IFNL2: variants seen among roughly 807,000 people sequenced by gnomAD.
IFNL2 encodes interferon lambda 2.
A neutral mutation model predicts 18.7 loss-of-function variants in IFNL2; 17 were observed. The observed-to-expected ratio is 0.91, with a 90% CI of 0.62 to 1.36. IFNL2 has a LOEUF of 1.36. Ranked by LOEUF, IFNL2 falls within the 40% of genes most tolerant of loss-of-function variation. The probability of loss-of-function intolerance (pLI) is 0.00; values close to 1 mark genes in which losing one functional copy is unlikely to be tolerated. For synonymous variants in IFNL2, 96 were observed against 113.4 expected (o/e 0.85, Z 0.98); for missense variants, 225 against 257.3 (o/e 0.87, Z 0.86).
At position 39,269,744 on chromosome 19, in the gene IFNL2, C is replaced by A. The variant is rs2075029007; in HGVS notation, c.427C>A (p.Pro143Thr). 6.2e-7 allele frequency: 1 copy of A among 1,608,538 alleles called. No individual in the cohort carries two copies. The highest frequency in any genetic ancestry group is 1.1e-5 in the South Asian group (1 of 89,760). Residue 143 changes from proline (P) to threonine (T), a missense_variant, in exon 5 of 6, where the codon CCT becomes ACT. Pro to Thr is a conservative substitution (Grantham distance 38). Coordinates refer to ENST00000331982, the MANE Select transcript of IFNL2 (RefSeq NM_172138.2). ...CGCCCTCCTCTGCCCACAGATCCAG[C>A]CTCAGCCCACGGCAGGGCCCAGGAC... ...ILSQFRACIQ[P>T]QPTAGPRTRG... is the part of the protein sequence containing the mutation.
Position 39,269,985 on chromosome 19 carries a change from G to T in IFNL2, c.575G>T (p.Cys192Phe), listed in dbSNP as rs970679226. ...LFRLLTRDLNCVASGDLCV is the reference protein window; with the variant it reads ...LFRLLTRDLNFVASGDLCV Reference sequence around the variant, plus strand: ...CGCCTCCTCACGCGAGACCTGAATTGTGTTGCCAGTGGGGACCTGTGTGTC... The same window carrying T: ...CGCCTCCTCACGCGAGACCTGAATTTTGTTGCCAGTGGGGACCTGTGTGTC... The change falls in exon 6 of 6, where the codon TGT (cysteine) becomes TTT (phenylalanine). Residue 192 changes from cysteine to phenylalanine, a missense_variant. Transcript: ENST00000331982. 3.7e-5 allele frequency: 59 copies of T among 1,602,102 alleles called. No homozygotes were observed. Among genetic ancestry groups the T allele is most frequent in the Non-Finnish European group, 4.9e-5 (57 of 1,174,156 alleles).
At chr19:39,269,114 C>G (rs2075025599) in intron 2 of IFNL2, 38 bp from the exon 3 acceptor site, 2 of 1,598,462 alleles carry the variant, frequency 1.3e-6, no homozygotes, top group Non-Finnish European at 8.5e-7. Flanking sequence ...TAACCTCCAC[C>G]CCTCCTGCTG....
Position 39,269,478 on chromosome 19 carries a change from C to T in IFNL2, c.271-10C>T. ...TCCCCCCTCACCTGCTCTTTCTCAC[C>T]TCTCCTCAGGTGAGGGAGCGCCCCA... On this transcript the variant is annotated splice_polypyrimidine_tract_variant and intron_variant, in intron 3 of 5. Coordinates refer to ENST00000331982, the MANE Select transcript of IFNL2 (RefSeq NM_172138.2). 6.2e-7 allele frequency: 1 copy of T among 1,614,110 alleles called. No homozygotes were observed. Among genetic ancestry groups the T allele is most frequent in the Non-Finnish European group, 8.5e-7 (1 of 1,180,016 alleles).
In IFNL2 at chr19:39,269,220, G is replaced by A; in HGVS notation, c.261G>A (p.Arg87=). The change falls in exon 3 of 6, where the codon AGG becomes AGA. Residue 87 remains arginine (R), a synonymous_variant. Transcript: ENST00000331982. The stretch of plus-strand genomic sequence containing the variant: ...TCTTCCCCAGGACCTGGGACCTGAG[G>A]CAGCTGCAGGTGAGAGGGGGAGTCA... ...SRLFPRTWDL[R]QLQVRERPMA... The A allele has an allele frequency of 6.2e-7, 1 of 1,610,892 alleles. No individual in the cohort carries two copies. The highest frequency in any genetic ancestry group is 1.7e-5 in the Admixed American group (1 of 59,642).
intron 2 of IFNL2, 56 bp downstream of exon 2, chr19:39,268,914 T>TC (rs2075025013): frequency 1.3e-6 from 2 of 1,571,454 alleles, no homozygotes; most frequent in African/African-American, 2.7e-5. Flanking sequence ...ACTCCAAGCG[T>TC]CACCATGCTT....
In IFNL2 at chr19:39,269,699, C is replaced by T. The variant is rs760104612; in HGVS notation, c.421-39C>T. 3.9e-5 allele frequency: 62 copies of T among 1,607,182 alleles called. No individual in the cohort carries two copies. The East Asian group carries it at 1.4e-3, about 35-fold the overall frequency. ...CTCTGAGCAGCGTCCTTCCCCTTGC[C>T]AAGGCCCCGGCTCACACACCGCCCT... On this transcript the variant is annotated intron_variant, in intron 4 of 5. Transcript: ENST00000331982.
chr19:39,269,575 G>A lies in IFNL2; in HGVS notation c.358G>A (p.Val120Met). The A allele has an allele frequency of 1.9e-6, 3 of 1,614,208 alleles. No individual in the cohort carries two copies. The highest frequency in any genetic ancestry group is 1.7e-6 in the Non-Finnish European group (2 of 1,180,046). The change falls in exon 4 of 6, where the codon GTG (valine) becomes ATG (methionine). Residue 120 changes from valine (V) to methionine (M), a missense_variant. Val to Met is a conservative substitution (Grantham distance 21). Coordinates refer to ENST00000331982, the MANE Select transcript of IFNL2 (RefSeq NM_172138.2). ...EATADTDPAL[V>M]DVLDQPLHTL... is the part of the protein sequence containing the mutation. ...CACCGCTGACACTGACCCAGCCCTG[G>A]TGGACGTCTTGGACCAGCCCCTTCA...
In IFNL2 at chr19:39,269,970, C is replaced by T. The variant is rs868424278; in HGVS notation, c.560C>T (p.Thr187Met). The change falls in exon 6 of 6, where the codon ACG becomes ATG. Residue 187 changes from threonine (T) to methionine (M), a missense_variant. Coordinates refer to ENST00000331982, the MANE Select transcript of IFNL2 (RefSeq NM_172138.2). ...ACCTTCAACCTCTTCCGCCTCCTCA[C>T]GCGAGACCTGAATTGTGTTGCCAGT... ...SVTFNLFRLL[T>M]RDLNCVASGD... 25 of 1,603,046 alleles carry T rather than the reference C, an allele frequency of 1.6e-5. No homozygotes were observed. Among genetic ancestry groups the T allele is most frequent in the African/African-American group, 9.4e-5 (7 of 74,640 alleles).
intron 3 of IFNL2, 47 bp from the exon 4 acceptor site, chr19:39,269,441 G>C: frequency 6.2e-7 from 1 of 1,606,654 alleles, no homozygotes; most frequent in South Asian, 1.1e-5. Flanking sequence ...TCCCCAACCT[G>C]TTCCCCTCAC....
chr19:39,269,116 C>T (rs1225127799), intron 2 of IFNL2, 36 bp from the exon 3 acceptor site: 1 of 1,601,002 alleles, frequency 6.2e-7, no homozygotes, highest in Non-Finnish European at 8.5e-7. Context: ...ACCTCCACCC[C>T]TCCTGCTGGG....
chr19:39,269,709 G>C (rs763455170), intron 4 of IFNL2, 29 bp from the exon 5 acceptor site: 20 of 1,606,194 alleles, frequency 1.2e-5, no homozygotes, highest in Non-Finnish European at 1.7e-5. Flanking sequence ...CAAGGCCCCG[G>C]CTCACACACC....
In IFNL2 at chr19:39,269,618, T is replaced by A. The variant is rs779134113; in HGVS notation, c.401T>A (p.Leu134His). Reference sequence around the variant, plus strand: ...CCCCTTCACACCCTGCACCATATCCTCTCCCAGTTCCGGGCCTGTGTGAGT... The same window carrying A: ...CCCCTTCACACCCTGCACCATATCCACTCCCAGTTCCGGGCCTGTGTGAGT... ...DQPLHTLHHI[L>H]SQFRACIQPQ... The change falls in exon 4 of 6, where the codon CTC (leucine) becomes CAC (histidine). Residue 134 changes from leucine (L) to histidine (H), a missense_variant. By Grantham distance (99) the Leu-to-His change is moderately conservative. Transcript: ENST00000331982. The A allele has an allele frequency of 4.3e-6, 7 of 1,613,938 alleles. No individual in the cohort carries two copies. In the East Asian group the frequency reaches 1.6e-4, roughly 36 times the overall value.
In IFNL2 at chr19:39,269,730, G is replaced by T. The variant is rs756107684; in HGVS notation, c.421-8G>T. 3.1e-6 allele frequency: 5 copies of T among 1,606,914 alleles called. No homozygotes were observed. In the Admixed American group the frequency reaches 6.8e-5, roughly 22 times the overall value. On this transcript the variant is annotated splice_polypyrimidine_tract_variant and splice_region_variant and intron_variant, in intron 4 of 5. Transcript: ENST00000331982. ...CCCGGCTCACACACCGCCCTCCTCT[G>T]CCCACAGATCCAGCCTCAGCCCACG...
Position 39,269,628 on chromosome 19 carries a change from C to A in IFNL2, c.411C>A (p.Phe137Leu), listed in dbSNP as rs747041162. Residue 137 changes from phenylalanine to leucine, a missense_variant, in exon 4 of 6, where the codon TTC (phenylalanine) becomes TTA (leucine). Transcript: ENST00000331982. ...CCCTGCACCATATCCTCTCCCAGTT[C>A]CGGGCCTGTGTGAGTCGTTGGGGCC... ...LHTLHHILSQ[F>L]RACIQPQPTA... 14 of 1,613,994 alleles carry A rather than the reference C, an allele frequency of 8.7e-6. No homozygotes were observed. Among genetic ancestry groups the A allele is most frequent in the Non-Finnish European group, 1.2e-5 (14 of 1,179,994 alleles).
At position 39,269,725 on chromosome 19, in the gene IFNL2, C is replaced by T. The variant is rs2075028943; in HGVS notation, c.421-13C>T. ...AAGGCCCCGGCTCACACACCGCCCT[C>T]CTCTGCCCACAGATCCAGCCTCAGC... On this transcript the variant is annotated splice_polypyrimidine_tract_variant and intron_variant, in intron 4 of 5. Coordinates refer to ENST00000331982, the MANE Select transcript of IFNL2 (RefSeq NM_172138.2). 4 of 1,606,800 alleles carry T rather than the reference C, an allele frequency of 2.5e-6. No homozygotes were observed. The South Asian group carries it at 3.4e-5, about 13-fold the overall frequency.
Sources: allele counts gnomAD v4.1 joint callset, GRCh38; gene constraint gnomAD v4.1.1; transcripts MANE v1.5; gene names NCBI Gene and HGNC (gene_info 2026-07-23, HGNC 2026-07-21).